Variants in CACNA1C observed in about 807,000 individuals in gnomAD.
CACNA1C encodes voltage-dependent L-type calcium channel subunit alpha-1C.
CACNA1C carries 30 observed loss-of-function variants against 229.0 expected under a neutral mutation model. The ratio of observed to expected loss-of-function variants is 0.13; its 90% CI spans 0.10 to 0.18. CACNA1C has a LOEUF of 0.18. CACNA1C is among the 10% of genes least tolerant of loss of function. The pLI is 1.00. For missense variants in CACNA1C, 1,658 were observed against 2,845.0 expected, an observed-to-expected ratio of 0.58 and a Z score of 9.49; for synonymous variants, 1,114 against 1,132.5, an observed-to-expected ratio of 0.98 and a Z score of 0.33.
At chr12:2,250,847 G>C (rs1306614905) in intron 3 of CACNA1C, among the ~76,000 whole-genome samples, 2 of 152,188 alleles carry the variant, frequency 1.3e-5, no homozygotes, top group East Asian at 3.8e-4. Flanking sequence ...CAGAATAATA[G>C]CTCTACTTTT....
chr12:2,167,500 A>T (rs1395207094), intron 3 of CACNA1C, among the ~76,000 whole-genome samples: 1 of 152,180 alleles, frequency 6.6e-6, no homozygotes, highest in Non-Finnish European at 1.5e-5. Flanking sequence ...TTGACTTTTT[A>T]TTTTAGCAGG....
chr12:2,364,387 G>T (rs1594224575), intron 3 of CACNA1C, among the ~76,000 whole-genome samples: 1 of 152,192 alleles, frequency 6.6e-6, no homozygotes, highest in African/African-American at 2.4e-5. Context: ...AGTGGGAGAG[G>T]CTGGGAGTGG....
intron 3 of CACNA1C, among the ~76,000 whole-genome samples, chr12:2,298,897 T>G (rs1174329347): frequency 6.6e-6 from 1 of 152,208 alleles, no homozygotes; most frequent in East Asian, 1.9e-4. Flanking sequence ...TGCTGGAAAC[T>G]GACTTCAAGA....
At chr12:2,399,754 G>T (rs2098649909) in intron 3 of CACNA1C, among the ~76,000 whole-genome samples, 1 of 152,204 alleles carries the variant, frequency 6.6e-6, no homozygotes, top group Non-Finnish European at 1.5e-5. Context: ...GCTTGGGGGT[G>T]GAACCCTTGC....
At chr12:2,369,416 T>TTTTTTTTTA (rs3058673) in intron 3 of CACNA1C, among the ~76,000 whole-genome samples, 2 of 151,784 alleles carry the variant, frequency 1.3e-5, no homozygotes, top group African/African-American at 2.4e-5. Context: ...TTTTTTTTTT[T>TTTTTTTTTA]GAGACAAAGT....
chr12:2,398,588 A>G (rs868719499), intron 3 of CACNA1C, among the ~76,000 whole-genome samples: 6 of 152,280 alleles, frequency 3.9e-5, no homozygotes, highest in African/African-American at 9.6e-5. Context: ...CCCACCTTCC[A>G]CAGAGTTGTC....
intron 3 of CACNA1C, among the ~76,000 whole-genome samples, chr12:2,179,648 A>T (rs1284197623): frequency 6.6e-6 from 1 of 152,238 alleles, no homozygotes; most frequent in Non-Finnish European, 1.5e-5. Flanking sequence ...GAAGAGATTT[A>T]GAAAGAAGGA....
At chr12:2,584,721 C>T in intron 16 of CACNA1C, 104 bp downstream of exon 16, 1 of 772,828 alleles carries the variant, frequency 1.3e-6, no homozygotes, top group Non-Finnish European at 2.2e-6. Flanking sequence ...TCTGTTGGCT[C>T]TCCCTCCTAG....
At chr12:2,682,281 T>C (rs1603456604) in intron 42 of CACNA1C, among the ~76,000 whole-genome samples, 1 of 151,026 alleles carries the variant, frequency 6.6e-6, no homozygotes, top group East Asian at 2.0e-4. Flanking sequence ...GACCAGAGGG[T>C]AAGTGGATTG....
rs112049400 is a variant in CACNA1C at position 2,452,656 on chromosome 12, A to G, written c.617+3541A>G. ...GGAGAAATACACCAGCCACTCCTAC[A>G]CCCATGTTTGAATTTTCTACCCTTT... On this transcript the variant is annotated intron_variant, in intron 4 of 46. Coordinates refer to ENST00000399655, the MANE Select transcript of CACNA1C (RefSeq NM_000719.7). Among the ~76,000 whole-genome samples, 379 of 152,156 alleles carry G rather than the reference A, an allele frequency of 2.5e-3. 2 individuals are homozygous for G. Among genetic ancestry groups the G allele is most frequent in the African/African-American group, 8.7e-3 (363 of 41,520 alleles).
chr12:2,163,521 C>A (rs2096027488), intron 3 of CACNA1C, among the ~76,000 whole-genome samples: 1 of 152,156 alleles, frequency 6.6e-6, no homozygotes, highest in Non-Finnish European at 1.5e-5. Context: ...TTTCTTACCA[C>A]CCCCTGGTGG....
At chr12:2,307,981 T>G (rs934530057) in intron 3 of CACNA1C, among the ~76,000 whole-genome samples, 1 of 152,186 alleles carries the variant, frequency 6.6e-6, no homozygotes, top group Non-Finnish European at 1.5e-5. Context: ...AAGACAAGAA[T>G]CTGCATTTTA....
chr12:2,578,489 A>C (rs2059367273), intron 13 of CACNA1C, among the ~76,000 whole-genome samples: 2 of 152,128 alleles, frequency 1.3e-5, no homozygotes, highest in African/African-American at 4.8e-5. Context: ...CGTGGGCCTC[A>C]CCTCATAGCA....
At chr12:2,612,767 C>T (rs1166019129) in intron 29 of CACNA1C, 1 of 152,234 alleles carries the variant, frequency 6.6e-6, no homozygotes, top group Non-Finnish European at 1.5e-5. Flanking sequence ...GCCACACCTT[C>T]CACCCTGGGC....
intron 11 of CACNA1C, among the ~76,000 whole-genome samples, chr12:2,557,866 G>A (rs2045318192): frequency 6.6e-6 from 1 of 152,214 alleles, no homozygotes; most frequent in Non-Finnish European, 1.5e-5. Flanking sequence ...AGAGCACCCA[G>A]CTCAGTGCCT....
At chr12:2,115,194 A>C (rs757631094) in intron 1 of CACNA1C, 30 bp from the exon 2 acceptor site, 11 of 1,469,270 alleles carry the variant, frequency 7.5e-6, no homozygotes, top group Non-Finnish European at 1.0e-5. Context: ...CTATCTAGTA[A>C]CTGTTGTGTT....
rs2099699023 is a variant in CACNA1C, at chr12:2,486,672, GC to G, written c.916+412del. ...TGGCCATTGGGAGCCCTTTCACGGG[GC>G]CGCTTAGCCCTGAGCAACAGGTTCT... On this transcript the variant is annotated intron_variant, in intron 6 of 46. Transcript: ENST00000399655. This position sits in a 1 kb window ranked among gnomAD's most constrained non-coding sequence, Gnocchi z 4.9. Among the ~76,000 whole-genome samples, 1 of 152,184 alleles carries G rather than the reference GC, an allele frequency of 6.6e-6. No individual in the cohort carries two copies. Among genetic ancestry groups the G allele is most frequent in the Non-Finnish European group, 1.5e-5 (1 of 68,026 alleles).
intron 3 of CACNA1C, among the ~76,000 whole-genome samples, chr12:2,227,529 A>G (rs748910243): frequency 2.9e-4 from 44 of 152,218 alleles, no homozygotes; most frequent in Non-Finnish European, 5.9e-4. Context: ...GTGGTGAATC[A>G]TTATATGTCA....
At chr12:2,177,483 C>A (rs2154274336) in intron 3 of CACNA1C, among the ~76,000 whole-genome samples, 1 of 151,910 alleles carries the variant, frequency 6.6e-6, no homozygotes, top group African/African-American at 2.4e-5. Context: ...CTTTCTCTTT[C>A]TTTTCTTGTC....
Sources: gnomAD v4.1 joint callset for allele counts (sites outside exome capture counted in the v4.1 genomes callset) on GRCh38, gnomAD v4.1.1 for gene constraint, Gnocchi (gnomAD v3.1) non-coding constraint, MANE v1.5 for transcripts, NCBI Gene and HGNC (gene_info 2026-07-23, HGNC 2026-07-21) for gene names.